CNBD1: variants seen among roughly 807,000 people sequenced by gnomAD.
CNBD1 encodes cyclic nucleotide binding domain containing 1.
Under a neutral mutation model 54.4 loss-of-function variants are expected in CNBD1, and 71 were observed. The ratio of observed to expected loss-of-function variants is 1.30; its 90% CI spans 1.08 to 1.59. The LOEUF is 1.59. CNBD1 is among the 40% of genes most tolerant of loss of function. The pLI is 0.00. For synonymous variants in CNBD1, 182 were observed against 170.7 expected, an observed-to-expected ratio of 1.07 and a Z score of -0.51; for missense variants, 659 against 518.0, an observed-to-expected ratio of 1.27 and a Z score of -2.64.
At chr8:87,320,460 G>A (rs984943781) in intron 8 of CNBD1, among the ~76,000 whole-genome samples, 2 of 152,078 alleles carry the variant, frequency 1.3e-5, no homozygotes, top group African/African-American at 2.4e-5. Context: ...CACATTATAT[G>A]TGATGATAAT....
chr8:87,198,436 A>C (rs1813768431), intron 4 of CNBD1, among the ~76,000 whole-genome samples: 1 of 152,228 alleles, frequency 6.6e-6, no homozygotes, highest in African/African-American at 2.4e-5. Context: ...TTTCAACAAA[A>C]ATTATGATAC....
intron 2 of CNBD1, among the ~76,000 whole-genome samples, chr8:87,402,949 A>G (rs146201156): frequency 5.3e-5 from 8 of 152,190 alleles, no homozygotes; most frequent in African/African-American, 1.4e-4. Context: ...TGTAATGTTT[A>G]TATCATACAA....
chr8:87,042,991 A>G (rs1330642091), intron 4 of CNBD1, among the ~76,000 whole-genome samples: 1 of 152,184 alleles, frequency 6.6e-6, no homozygotes, highest in Non-Finnish European at 1.5e-5. Context: ...TGTTATGGGC[A>G]ATAAAGGAAT....
intron 4 of CNBD1, among the ~76,000 whole-genome samples, chr8:87,045,724 C>CAAAAAA (rs58973406): frequency 7.8e-5 from 4 of 51,060 alleles, no homozygotes; most frequent in African/African-American, 2.3e-4. Flanking sequence ...GACTCCGTCT[C>CAAAAAA]AAAAAAAAAA....
intron 6 of CNBD1, among the ~76,000 whole-genome samples, chr8:87,268,153 G>A (rs866609018): frequency 2.0e-5 from 3 of 151,974 alleles, no homozygotes; most frequent in Non-Finnish European, 4.4e-5. Context: ...CCATATTTGT[G>A]TCCATGTGTA....
chr8:87,280,505 C>T (rs1174965995), intron 6 of CNBD1, among the ~76,000 whole-genome samples: 1 of 151,262 alleles, frequency 6.6e-6, no homozygotes, highest in African/African-American at 2.4e-5. Context: ...TCATCAGCCC[C>T]TTAGAAAAGA....
At chr8:87,109,728 C>T (rs951032503) in intron 4 of CNBD1, among the ~76,000 whole-genome samples, 35 of 151,726 alleles carry the variant, frequency 2.3e-4, no homozygotes, top group African/African-American at 8.5e-4. Context: ...TTAGTAGAGA[C>T]AGGGTCTCAC....
chr8:87,091,551 CTT>C (rs1811203205), intron 4 of CNBD1, among the ~76,000 whole-genome samples: 1 of 152,162 alleles, frequency 6.6e-6, no homozygotes, highest in Non-Finnish European at 1.5e-5. Flanking sequence ...CATCTTGACT[CTT>C]GAGTCTTTTT....
chr8:86,881,879 T>C (rs1057497441), intron 1 of CNBD1, among the ~76,000 whole-genome samples: 1 of 152,098 alleles, frequency 6.6e-6, no homozygotes, highest in Non-Finnish European at 1.5e-5. Context: ...TATAACTATC[T>C]GATCTTCAAC....
At chr8:87,392,559 A>T (rs1180434152) in intron 2 of CNBD1, among the ~76,000 whole-genome samples, 1 of 152,068 alleles carries the variant, frequency 6.6e-6, no homozygotes, top group Non-Finnish European at 1.5e-5. Flanking sequence ...GAAACAAAAA[A>T]TTACATATTG....
intron 8 of CNBD1, among the ~76,000 whole-genome samples, chr8:87,309,002 T>C (rs1011890844): frequency 1.3e-5 from 2 of 152,164 alleles, no homozygotes; most frequent in Admixed American, 1.3e-4. Flanking sequence ...TGATGGACAT[T>C]TACATAGATT....
intron 4 of CNBD1, among the ~76,000 whole-genome samples, chr8:86,995,930 A>G (rs1808860731): frequency 6.6e-6 from 1 of 152,132 alleles, no homozygotes; most frequent in African/African-American, 2.4e-5. Context: ...CTTGTCAAAA[A>G]TCCCCAATGG....
intron 4 of CNBD1, among the ~76,000 whole-genome samples, chr8:87,075,699 T>C (rs1321423423): frequency 6.6e-6 from 1 of 152,214 alleles, no homozygotes; most frequent in Non-Finnish European, 1.5e-5. Flanking sequence ...ATTGTGTCCC[T>C]GATTGGCTTT....
intron 5 of CNBD1, among the ~76,000 whole-genome samples, chr8:87,223,551 TC>T (rs1814397209): frequency 1.3e-5 from 2 of 152,182 alleles, no homozygotes; most frequent in Non-Finnish European, 2.9e-5. Flanking sequence ...GTCATCCATG[TC>T]CCTACAAAGG....
At chr8:87,380,333 C>T (rs560237084) in intron 10 of CNBD1, among the ~76,000 whole-genome samples, 3 of 151,784 alleles carry the variant, frequency 2.0e-5, no homozygotes, top group South Asian at 4.2e-4. Context: ...ATCATATATA[C>T]ATGGATTTAT....
intron 1 of CNBD1, among the ~76,000 whole-genome samples, chr8:86,873,830 A>T (rs1298244505): frequency 6.6e-6 from 1 of 152,178 alleles, no homozygotes; most frequent in Non-Finnish European, 1.5e-5. Context: ...ATAATCTTAC[A>T]GATGTTGGAA....
At chr8:87,319,432 A>G (rs1009312152) in intron 8 of CNBD1, among the ~76,000 whole-genome samples, 3 of 152,152 alleles carry the variant, frequency 2.0e-5, no homozygotes, top group African/African-American at 7.2e-5. Context: ...TCCTTTGACA[A>G]TACTTGCAGA....
intron 4 of CNBD1, among the ~76,000 whole-genome samples, chr8:87,016,668 T>A (rs984519445): frequency 6.6e-6 from 1 of 152,156 alleles, no homozygotes; most frequent in East Asian, 1.9e-4. Context: ...AAAACAAAAT[T>A]CTTAATTTCA....
At chr8:87,169,454 G>C (rs1460539618) in intron 4 of CNBD1, among the ~76,000 whole-genome samples, 1 of 151,930 alleles carries the variant, frequency 6.6e-6, no homozygotes, top group Non-Finnish European at 1.5e-5. Flanking sequence ...GACTGTCCTC[G>C]TGGGGTATTA....
Sources: gnomAD v4.1 joint callset for allele counts (sites outside exome capture counted in the v4.1 genomes callset) on GRCh38, gnomAD v4.1.1 for gene constraint, MANE v1.5 for transcripts, NCBI Gene and HGNC (gene_info 2026-07-23, HGNC 2026-07-21) for gene names.